Variants in TRERF1 observed in about 807,000 individuals in gnomAD.
TRERF1 encodes the protein transcriptional regulating factor 1.
TRERF1 carries 27 observed loss-of-function variants against 122.9 expected under a neutral mutation model. The ratio of observed to expected loss-of-function variants is 0.22; its 90% CI spans 0.16 to 0.30. The LOEUF (loss-of-function observed/expected upper bound fraction) is 0.30. Among genes scored for constraint, TRERF1 ranks in the 10% least tolerant of loss-of-function variants. The pLI, the probability that TRERF1 is intolerant of heterozygous loss-of-function variation, is 1.00. For synonymous variants in TRERF1, 636 were observed against 641.7 expected (o/e 0.99, Z 0.13); for missense variants, 1,248 against 1,560.3 (o/e 0.80, Z 3.37).
rs1779653954 is a variant in TRERF1, at chr6:42,268,593, A to G, written c.998T>C (p.Met333Thr). The G allele has an allele frequency of 1.2e-6, 2 of 1,614,120 alleles. No homozygotes were observed. The highest frequency in any genetic ancestry group is 1.7e-4 in the Middle Eastern group (1 of 6,060). ...CTGCTGCTGCTCTTGCAAGTGCTGC[A>G]TCATGGGTTGGGGCTGATAATACTG... The change falls in exon 5 of 18, where the codon ATG becomes ACG. Residue 333 changes from methionine (M) to threonine (T), a missense_variant. Physicochemically the swap from Met to Thr is moderately conservative, Grantham distance 81 (BLOSUM62 -1). This residue lies in a region of TRERF1 where 946 missense variants were observed against 1,073.0 expected (regional missense o/e 0.88). Transcript: ENST00000372922. This position sits in a 1 kb window ranked among gnomAD's most constrained non-coding sequence, Gnocchi z 4.4.
At chr6:42,407,415 G>A (rs928338747) in intron 2 of TRERF1, among the ~76,000 whole-genome samples, 1 of 152,174 alleles carries the variant, frequency 6.6e-6, no homozygotes, top group Admixed American at 6.5e-5. Flanking sequence ...CCAAACTACA[G>A]ACATTCTGCA....
At chr6:42,291,710 T>TTG (rs1194943744) in intron 4 of TRERF1, among the ~76,000 whole-genome samples, 1 of 150,770 alleles carries the variant, frequency 6.6e-6, no homozygotes, top group African/African-American at 2.4e-5. Flanking sequence ...TTTTTTTTTT[T>TTG]TGTGTGTGTA....
intron 3 of TRERF1, among the ~76,000 whole-genome samples, chr6:42,307,184 G>A (rs1415124173): frequency 6.6e-6 from 1 of 152,132 alleles, no homozygotes; most frequent in Non-Finnish European, 1.5e-5. Flanking sequence ...TCACCTAAAT[G>A]TTGTGTTCCA....
intron 3 of TRERF1, among the ~76,000 whole-genome samples, chr6:42,313,232 G>A (rs190837017): frequency 6.6e-6 from 1 of 152,188 alleles, no homozygotes; most frequent in Non-Finnish European, 1.5e-5. Flanking sequence ...TCAAGAGAAG[G>A]CTCCGGCTCT....
At chr6:42,293,991 T>C (rs966928707) in intron 4 of TRERF1, among the ~76,000 whole-genome samples, 41 of 151,990 alleles carry the variant, frequency 2.7e-4, no homozygotes, top group African/African-American at 9.4e-4. Context: ...GATATCAGGA[T>C]ATTGAGATAC....
chr6:42,425,550 T>A (rs2151605742), intron 2 of TRERF1, among the ~76,000 whole-genome samples: 1 of 133,212 alleles, frequency 7.5e-6, no homozygotes, highest in African/African-American at 2.9e-5. Context: ...TTTTTTTTTT[T>A]TTTTTTTTTT....
intron 2 of TRERF1, among the ~76,000 whole-genome samples, chr6:42,436,807 A>AT (rs1218611690): frequency 6.1e-5 from 7 of 114,750 alleles, no homozygotes; most frequent in Admixed American, 1.9e-4. Context: ...CTACAAAAAA[A>AT]AAAAAAAATA....
chr6:42,307,538 A>G (rs2150318728), intron 3 of TRERF1, among the ~76,000 whole-genome samples: 1 of 152,322 alleles, frequency 6.6e-6, no homozygotes, highest in African/African-American at 2.4e-5. Flanking sequence ...GGCCAGCCTC[A>G]GATGGACAAG....
chr6:42,234,151 T>C (rs1771524677), intron 16 of TRERF1, among the ~76,000 whole-genome samples: 1 of 152,154 alleles, frequency 6.6e-6, no homozygotes, highest in African/African-American at 2.4e-5. Flanking sequence ...CCAAATGTTC[T>C]TGGGGAATAA....
chr6:42,331,601 G>A (rs1442625927), intron 3 of TRERF1, among the ~76,000 whole-genome samples: 1 of 152,184 alleles, frequency 6.6e-6, no homozygotes, highest in Non-Finnish European at 1.5e-5. Flanking sequence ...GCAGAATGAA[G>A]GGCCACTGGG....
intron 2 of TRERF1, among the ~76,000 whole-genome samples, chr6:42,395,361 C>T (rs776532162): frequency 1.6e-4 from 25 of 152,206 alleles, no homozygotes; most frequent in Non-Finnish European, 3.4e-4. Context: ...CCTGGGGCTG[C>T]TGTCATTCTT....
intron 4 of TRERF1, among the ~76,000 whole-genome samples, chr6:42,281,493 G>A (rs928269175): frequency 1.3e-5 from 2 of 151,920 alleles, no homozygotes; most frequent in Admixed American, 6.6e-5. Context: ...ACTGTGCCAC[G>A]AGCAGTGTTT....
intron 3 of TRERF1, among the ~76,000 whole-genome samples, chr6:42,339,107 A>T (rs1375081958): frequency 6.6e-6 from 1 of 152,256 alleles, no homozygotes; most frequent in African/African-American, 2.4e-5. Context: ...GGCAAAGCGG[A>T]AAGACTGAAA....
intron 2 of TRERF1, among the ~76,000 whole-genome samples, chr6:42,417,669 G>A (rs1782034692): frequency 6.6e-6 from 1 of 152,216 alleles, no homozygotes; most frequent in South Asian, 2.1e-4. Context: ...CCTGGCCAGA[G>A]CAGGGGCCAG....
chr6:42,374,704 A>C (rs531608234), intron 2 of TRERF1, among the ~76,000 whole-genome samples: 282 of 152,188 alleles, frequency 1.9e-3, no homozygotes, highest in African/African-American at 6.4e-3. Flanking sequence ...TGTGAACGGC[A>C]GTGTTTAAGA....
chr6:42,320,990 G>A (rs1583022765), intron 3 of TRERF1, among the ~76,000 whole-genome samples: 2 of 152,066 alleles, frequency 1.3e-5, no homozygotes, highest in Non-Finnish European at 2.9e-5. Context: ...CATTAGCCTG[G>A]CAAAATGGCC....
intron 3 of TRERF1, among the ~76,000 whole-genome samples, chr6:42,342,826 C>A (rs76206547): frequency 0.023 from 3,564 of 152,316 alleles, 145 homozygotes; most frequent in African/African-American, 0.082. Context: ...ATGGTGGCCC[C>A]TCAAGTGACG....
intron 3 of TRERF1, among the ~76,000 whole-genome samples, chr6:42,342,362 G>A (rs978091337): frequency 9.2e-5 from 14 of 152,076 alleles, no homozygotes; most frequent in Non-Finnish European, 1.0e-4. Context: ...GGTCACCACT[G>A]GACAATCTCC....
intron 2 of TRERF1, among the ~76,000 whole-genome samples, chr6:42,390,156 C>T (rs1029695146): frequency 5.9e-5 from 9 of 152,176 alleles, no homozygotes; most frequent in African/African-American, 1.9e-4. Flanking sequence ...CCCACGTCTT[C>T]GAGTACAAGA....
Sources: allele counts gnomAD v4.1 joint callset (sites outside exome capture counted in the v4.1 genomes callset), GRCh38; gene constraint gnomAD v4.1.1; regional missense constraint gnomAD v4.1.1; non-coding constraint Gnocchi (gnomAD v3.1); transcripts MANE v1.5; gene names NCBI Gene and HGNC (gene_info 2026-07-23, HGNC 2026-07-21).